MICU2: variants seen among roughly 807,000 people sequenced by gnomAD.
The protein encoded by MICU2 is calcium uptake protein 2, mitochondrial.
MICU2 carries 64 observed loss-of-function variants against 60.4 expected under a neutral mutation model. The observed-to-expected ratio is 1.06, with a 90% CI of 0.87 to 1.31. The LOEUF (loss-of-function observed/expected upper bound fraction) is 1.31. MICU2 is among the 50% of genes most tolerant of loss of function. The probability of loss-of-function intolerance (pLI) is 0.00; values close to 1 mark genes in which losing one functional copy is unlikely to be tolerated. For synonymous variants in MICU2, 201 were observed against 175.0 expected (o/e 1.15, Z -1.17); for missense variants, 569 against 531.0 (o/e 1.07, Z -0.70).
chr13:21,521,939 C>G (rs1022058618), intron 5 of MICU2, among the ~76,000 whole-genome samples: 4 of 152,138 alleles, frequency 2.6e-5, no homozygotes, highest in Non-Finnish European at 4.4e-5. Context: ...CACCACACCT[C>G]GCAAATTTTT....
intron 2 of MICU2, among the ~76,000 whole-genome samples, chr13:21,559,969 G>A (rs1245817573): frequency 6.6e-6 from 1 of 151,946 alleles, no homozygotes; most frequent in African/African-American, 2.4e-5. Flanking sequence ...CACTAATAAG[G>A]GTAAACATAT....
At chr13:21,495,563 A>T in intron 10 of MICU2, 1 of 369,276 alleles carries the variant, frequency 2.7e-6, no homozygotes, top group Non-Finnish European at 4.8e-6. Flanking sequence ...TTTGAGATGA[A>T]TCTTGCTCGT....
Position 21,521,286 on chromosome 13 carries a change from T to C in MICU2, c.556A>G (p.Thr186Ala), listed in dbSNP as rs373707524. The stretch of plus-strand genomic sequence containing the variant: ...TTTTCAATCATCTCATTACCATCTG[T>C]ATCCAGCATTTTAAAAGCAACATGA... ...GFHVAFKMLD[T>A]DGNEMIEKRE... Residue 186 changes from threonine to alanine, a missense_variant, in exon 6 of 12, where the codon ACA (threonine) becomes GCA (alanine). By Grantham distance (58) the Thr-to-Ala change is moderately conservative. Coordinates refer to ENST00000382374, the MANE Select transcript of MICU2 (RefSeq NM_152726.3). 58 of 1,610,654 alleles carry C rather than the reference T, an allele frequency of 3.6e-5. No individual in the cohort carries two copies. Among genetic ancestry groups the C allele is most frequent in the Non-Finnish European group, 4.7e-5 (56 of 1,179,008 alleles).
chr13:21,550,887 G>A (rs1038449822), intron 2 of MICU2, among the ~76,000 whole-genome samples: 1 of 152,212 alleles, frequency 6.6e-6, no homozygotes, highest in African/African-American at 2.4e-5. Context: ...ATACTACTAA[G>A]TGGTGGAGTC....
intron 1 of MICU2, among the ~76,000 whole-genome samples, chr13:21,591,151 T>C (rs1264989974): frequency 6.1e-5 from 9 of 146,682 alleles, no homozygotes; most frequent in African/African-American, 7.6e-5. Flanking sequence ...CAAAAACACA[T>C]ACAGGCTCAA....
intron 1 of MICU2, among the ~76,000 whole-genome samples, chr13:21,588,177 C>T (rs1439601480): frequency 6.6e-6 from 1 of 152,134 alleles, no homozygotes; most frequent in Non-Finnish European, 1.5e-5. Flanking sequence ...ATTCATTTTA[C>T]TAGAGGATCA....
At chr13:21,560,933 T>C (rs888068386) in intron 2 of MICU2, among the ~76,000 whole-genome samples, 4 of 152,216 alleles carry the variant, frequency 2.6e-5, no homozygotes, top group Non-Finnish European at 5.9e-5. Context: ...CACTTGGTCA[T>C]CTAAACTATT....
intron 1 of MICU2, among the ~76,000 whole-genome samples, chr13:21,592,178 G>A (rs2138070434): frequency 6.6e-6 from 1 of 151,952 alleles, no homozygotes; most frequent in East Asian, 1.9e-4. Context: ...ATGATAAAGG[G>A]GATATCACCA....
chr13:21,572,943 C>CAAAA (rs5802121), intron 1 of MICU2, among the ~76,000 whole-genome samples: 4 of 143,286 alleles, frequency 2.8e-5, no homozygotes, highest in Non-Finnish European at 4.8e-5. Context: ...GTAAATAATA[C>CAAAA]AAAAAAAAAA....
At chr13:21,546,295 C>CTTTTT (rs33921647) in intron 2 of MICU2, among the ~76,000 whole-genome samples, 2 of 131,372 alleles carry the variant, frequency 1.5e-5, no homozygotes, top group South Asian at 2.4e-4. Flanking sequence ...GATAAAAAGA[C>CTTTTT]TTTTTTTTTT....
intron 1 of MICU2, among the ~76,000 whole-genome samples, chr13:21,581,861 A>AC (rs1888355157): frequency 6.6e-6 from 1 of 152,244 alleles, no homozygotes; most frequent in South Asian, 2.1e-4. Context: ...AAGAATACAC[A>AC]CAACTGCTAT....
At chr13:21,582,686 C>T (rs780375812) in intron 1 of MICU2, among the ~76,000 whole-genome samples, 44 of 152,160 alleles carry the variant, frequency 2.9e-4, no homozygotes, top group Non-Finnish European at 5.0e-4. Context: ...CTGACTCATT[C>T]CAATTTCCTG....
intron 2 of MICU2, among the ~76,000 whole-genome samples, chr13:21,544,509 A>G (rs1733857756): frequency 1.8e-5 from 2 of 108,786 alleles, no homozygotes; most frequent in South Asian, 7.8e-4. Context: ...ATGACCAATA[A>G]ACACATGAAA....
intron 2 of MICU2, among the ~76,000 whole-genome samples, chr13:21,562,984 T>C (rs1192088132): frequency 2.0e-5 from 3 of 152,336 alleles, no homozygotes; most frequent in African/African-American, 7.2e-5. Flanking sequence ...TTTTCACTTT[T>C]GAAGGATAAT....
At position 21,575,659 on chromosome 13, in the gene MICU2, G is replaced by A. The variant is rs1348262196; in HGVS notation, c.211-8715C>T. ...GTGGGAGGATCGCTTGAGCCTTGGAGGTCAAGGCTCCAGTGAGCCGAGATC... is the reference window on the plus strand; with the variant it reads ...GTGGGAGGATCGCTTGAGCCTTGGAAGTCAAGGCTCCAGTGAGCCGAGATC... On this transcript the variant is annotated intron_variant, in intron 1 of 11. Coordinates refer to ENST00000382374, the MANE Select transcript of MICU2 (RefSeq NM_152726.3). 2.1e-5 allele frequency among the ~76,000 whole-genome samples: 3 copies of A among 144,608 alleles called. No individual in the cohort carries two copies. In the South Asian group the frequency reaches 6.7e-4, roughly 32 times the overall value. 94.9% of individuals were successfully genotyped at this position (144,608 alleles called of 152,430 possible). A position where few individuals can be genotyped will look rare whatever the true frequency, so the allele number is the denominator to read the frequency against.
chr13:21,512,534 G>A (rs771409584), intron 7 of MICU2, among the ~76,000 whole-genome samples: 65 of 144,576 alleles, frequency 4.5e-4, no homozygotes, highest in Non-Finnish European at 5.2e-4. Flanking sequence ...TGCGAGCTCC[G>A]CCTCCCAGGT....
chr13:21,603,948 G>A lies in MICU2; in HGVS notation c.201C>T (p.Val67=), dbSNP rs763779628. The A allele has an allele frequency of 2.9e-5, 47 of 1,612,482 alleles. No homozygotes were observed. Among genetic ancestry groups the A allele is most frequent in the Non-Finnish European group, 4.0e-5 (47 of 1,179,652 alleles). Reference sequence around the variant, plus strand: ...GGAGTTAGTCCTGTACCTGTGCGGAGACTGTAAAACTGCCATCCCGCGCCG... The same window carrying A: ...GGAGTTAGTCCTGTACCTGTGCGGAAACTGTAAAACTGCCATCCCGCGCCG... ...SVAARDGSFT[V]SAQKNVEHGI... The change falls in exon 1 of 12, where the codon GTC becomes GTT. Residue 67 remains valine, a synonymous_variant. Coordinates refer to ENST00000382374, the MANE Select transcript of MICU2 (RefSeq NM_152726.3).
At chr13:21,562,706 T>C (rs553859941) in intron 2 of MICU2, among the ~76,000 whole-genome samples, 8 of 152,378 alleles carry the variant, frequency 5.3e-5, no homozygotes, top group Admixed American at 3.3e-4. Context: ...GTTGCTGTTA[T>C]ATATTTCACT....
At chr13:21,576,731 G>A (rs1289522992) in intron 1 of MICU2, among the ~76,000 whole-genome samples, 3 of 152,162 alleles carry the variant, frequency 2.0e-5, no homozygotes, top group African/African-American at 7.2e-5. Context: ...TGACAGTGAG[G>A]ATTCTTAAAG....
Sources: gnomAD v4.1 joint callset for allele counts (sites outside exome capture counted in the v4.1 genomes callset) on GRCh38, gnomAD v4.1.1 for gene constraint, MANE v1.5 for transcripts, NCBI Gene and HGNC (gene_info 2026-07-23, HGNC 2026-07-21) for gene names.